HIVEP2: variants seen among roughly 807,000 people sequenced by gnomAD.
HIVEP2 encodes HIVEP zinc finger 2.
In HIVEP2, 14 loss-of-function variants were observed where a neutral mutation model predicts 180.7. The ratio of observed to expected loss-of-function variants is 0.08; its 90% CI spans 0.05 to 0.12. The LOEUF (loss-of-function observed/expected upper bound fraction) is 0.12, where lower values mean the gene tolerates loss of function less well. HIVEP2 is among the 10% of genes least tolerant of loss of function. HIVEP2 has a pLI of 1.00. For missense variants in HIVEP2, 2,579 were observed against 3,008.5 expected, an observed-to-expected ratio of 0.86 and a Z score of 3.34; for synonymous variants, 1,184 against 1,136.4, an observed-to-expected ratio of 1.04 and a Z score of -0.84.
chr6:142,889,406 T>G (rs531908924), intron 1 of HIVEP2, among the ~76,000 whole-genome samples: 3 of 152,184 alleles, frequency 2.0e-5, no homozygotes, highest in Admixed American at 1.3e-4. Flanking sequence ...TATAGTGAGC[T>G]GTGATGATGC....
chr6:142,933,526 T>A (rs1268406531), intron 1 of HIVEP2, among the ~76,000 whole-genome samples: 1 of 152,234 alleles, frequency 6.6e-6, no homozygotes, highest in Non-Finnish European at 1.5e-5. Context: ...AAAGAAGGAC[T>A]ATCAGGATAA....
intron 1 of HIVEP2, among the ~76,000 whole-genome samples, chr6:142,898,492 T>A (rs1471758789): frequency 1.3e-5 from 2 of 151,754 alleles, no homozygotes; most frequent in South Asian, 4.2e-4. Flanking sequence ...CAAAACCCCA[T>A]CTCTACTAAA....
At chr6:142,910,401 G>A (rs994311190) in intron 1 of HIVEP2, among the ~76,000 whole-genome samples, 13 of 152,204 alleles carry the variant, frequency 8.5e-5, no homozygotes, top group African/African-American at 3.1e-4. Flanking sequence ...AAGAGATTGA[G>A]ACCATCCTGG....
intron 2 of HIVEP2, among the ~76,000 whole-genome samples, chr6:142,832,385 T>C (rs1775112001): frequency 6.6e-6 from 1 of 152,134 alleles, no homozygotes; most frequent in Non-Finnish European, 1.5e-5. Context: ...AATTACTTTA[T>C]TATAAAGTGC....
intron 1 of HIVEP2, among the ~76,000 whole-genome samples, chr6:142,902,755 G>A (rs1024924334): frequency 6.6e-6 from 1 of 152,078 alleles, no homozygotes; most frequent in African/African-American, 2.4e-5. Context: ...CTATCTCAAT[G>A]GCCTCACAAT....
Position 142,772,713 on chromosome 6 carries a change from C to G in HIVEP2, c.2026G>C (p.Asp676His), listed in dbSNP as rs1172941294. 1.9e-6 allele frequency: 3 copies of G among 1,614,094 alleles called. No individual in the cohort carries two copies. Among genetic ancestry groups the G allele is most frequent in the Non-Finnish European group, 2.5e-6 (3 of 1,180,044 alleles). Residue 676 changes from aspartate (D) to histidine (H), a missense_variant, in exon 5 of 10, where the codon GAT (aspartate) becomes CAT (histidine). By Grantham distance (81) the Asp-to-His change is moderately conservative. Around this residue, in one of 11 missense-constraint regions of HIVEP2, gnomAD observed 524 missense variants for 563.6 expected, o/e 0.93. Transcript: ENST00000367603. This position sits in a 1 kb window ranked among gnomAD's most constrained non-coding sequence, Gnocchi z 4.9. Reference sequence around the variant, plus strand: ...ACTCCCTGCAATGGCACCACGGGATCCATGAAATATTCTCCACCATGCTTT... The same window carrying G: ...ACTCCCTGCAATGGCACCACGGGATGCATGAAATATTCTCCACCATGCTTT... ...SLKHGGEYFM[D>H]PVVPLQGVPS...
chr6:142,777,649 A>AAAG, intron 3 of HIVEP2, among the ~76,000 whole-genome samples: 1 of 15,444 alleles, frequency 6.5e-5, no homozygotes, highest in South Asian at 2.6e-3. Context: ...ACTCCATCTC[A>AAAG]AAAAAAAAAA....
intron 2 of HIVEP2, among the ~76,000 whole-genome samples, chr6:142,830,604 T>G (rs1455303366): frequency 3.3e-5 from 5 of 152,154 alleles, no homozygotes; most frequent in African/African-American, 1.2e-4. Context: ...TGATGAAGTC[T>G]TCCAGTGAAT....
chr6:142,787,917 A>G (rs2114711399), intron 2 of HIVEP2, among the ~76,000 whole-genome samples: 1 of 152,342 alleles, frequency 6.6e-6, no homozygotes, highest in South Asian at 2.1e-4. Context: ...CATGGAAGGA[A>G]GGATTCCCAC....
intron 2 of HIVEP2, among the ~76,000 whole-genome samples, chr6:142,793,147 T>C (rs1438518125): frequency 6.6e-6 from 1 of 152,180 alleles, no homozygotes; most frequent in Admixed American, 6.5e-5. Context: ...TTTAATAATA[T>C]ATCCAAAAGT....
At chr6:142,881,982 C>G (rs1776583685) in intron 1 of HIVEP2, among the ~76,000 whole-genome samples, 1 of 152,162 alleles carries the variant, frequency 6.6e-6, no homozygotes, top group South Asian at 2.1e-4. Flanking sequence ...AAACACTGCC[C>G]TAATTATCAG....
At chr6:142,823,669 G>A (rs1310735441) in intron 2 of HIVEP2, among the ~76,000 whole-genome samples, 1 of 152,136 alleles carries the variant, frequency 6.6e-6, no homozygotes, top group African/African-American at 2.4e-5. Flanking sequence ...AGCAGCATTT[G>A]GAACAATTGC....
At chr6:142,920,393 A>G (rs911976802) in intron 1 of HIVEP2, among the ~76,000 whole-genome samples, 2 of 152,236 alleles carry the variant, frequency 1.3e-5, no homozygotes, top group African/African-American at 2.4e-5. Context: ...AGCCCTACCC[A>G]TGGTGTCCAC....
At chr6:142,796,201 C>A (rs940154272) in intron 2 of HIVEP2, among the ~76,000 whole-genome samples, 1 of 152,058 alleles carries the variant, frequency 6.6e-6, no homozygotes, top group South Asian at 2.1e-4. Flanking sequence ...GCTCTGAGTA[C>A]GTCCTATCAG....
chr6:142,888,396 G>A (rs1426388665), intron 1 of HIVEP2, among the ~76,000 whole-genome samples: 2 of 151,750 alleles, frequency 1.3e-5, no homozygotes, highest in Non-Finnish European at 2.9e-5. Context: ...GAAAATGCTG[G>A]GTTTATCAAT....
At chr6:142,924,607 G>A (rs1007173847) in intron 1 of HIVEP2, among the ~76,000 whole-genome samples, 2 of 152,198 alleles carry the variant, frequency 1.3e-5, no homozygotes, top group Non-Finnish European at 2.9e-5. Flanking sequence ...CAGAACTATA[G>A]TTTTGGTCAC....
rs1390891967 is a variant in HIVEP2, at chr6:142,770,030, T to C, written c.4709A>G (p.Asp1570Gly). 6.2e-7 allele frequency: 1 copy of C among 1,614,010 alleles called. No individual in the cohort carries two copies. The highest frequency in any genetic ancestry group is 1.3e-5 in the African/African-American group (1 of 74,920). Reference sequence around the variant, plus strand: ...CATGTCCGATGCCGTCTCATCGATATCTAATTCATCTGAAGATTCTTTGCT... The same window carrying C: ...CATGTCCGATGCCGTCTCATCGATACCTAATTCATCTGAAGATTCTTTGCT... ...SESKESSDELDIDETASDMSM... is the reference protein window; with the variant it reads ...SESKESSDELGIDETASDMSM... The change falls in exon 5 of 10, where the codon GAT becomes GGT. Residue 1570 changes from aspartate to glycine, a missense_variant. Physicochemically the swap from Asp to Gly is moderately conservative, Grantham distance 94. Around this residue, in one of 11 missense-constraint regions of HIVEP2, gnomAD observed 349 missense variants for 367.2 expected, o/e 0.95. Transcript: ENST00000367603. The surrounding 1 kb of genome is among the most constrained non-coding windows in gnomAD (Gnocchi z 4.7).
At chr6:142,833,052 G>T (rs78941095) in intron 2 of HIVEP2, among the ~76,000 whole-genome samples, 2,847 of 152,208 alleles carry the variant, frequency 0.019, 85 homozygotes, top group African/African-American at 0.065. Flanking sequence ...TTTGAACACT[G>T]CCAGTTAACT....
At chr6:142,882,192 A>G (rs983139229) in intron 1 of HIVEP2, among the ~76,000 whole-genome samples, 2 of 152,216 alleles carry the variant, frequency 1.3e-5, no homozygotes, top group African/African-American at 4.8e-5. Flanking sequence ...ATTAGGCCTT[A>G]TATTCTTCAT....
Sources: allele counts gnomAD v4.1 joint callset (sites outside exome capture counted in the v4.1 genomes callset), GRCh38; gene constraint gnomAD v4.1.1; regional missense constraint gnomAD v4.1.1; non-coding constraint Gnocchi (gnomAD v3.1); transcripts MANE v1.5; gene names NCBI Gene and HGNC (gene_info 2026-07-23, HGNC 2026-07-21).